Variants in PLXDC2 observed in about 807,000 individuals in gnomAD.
PLXDC2 encodes plexin domain-containing protein 2.
Under a neutral mutation model 68.9 loss-of-function variants are expected in PLXDC2, and 40 were observed. The observed-to-expected ratio is 0.58, with a 90% confidence interval of 0.45 to 0.76. The LOEUF (loss-of-function observed/expected upper bound fraction) is 0.76, where lower values mean the gene tolerates loss of function less well. PLXDC2 is among the 30% of genes least tolerant of loss of function. The probability of loss-of-function intolerance (pLI) is 0.00; values close to 1 mark genes in which losing one functional copy is unlikely to be tolerated. For synonymous variants in PLXDC2, 243 were observed against 234.2 expected (o/e 1.04, Z -0.34); for missense variants, 644 against 661.9 (o/e 0.97, Z 0.30).
intron 9 of PLXDC2, among the ~76,000 whole-genome samples, chr10:20,204,105 T>C (rs1834958628): frequency 6.6e-6 from 1 of 152,112 alleles, no homozygotes; most frequent in African/African-American, 2.4e-5. Flanking sequence ...CTCAAGATTG[T>C]TGATTTTAGG....
intron 4 of PLXDC2, 80 bp from the exon 5 acceptor site, chr10:20,143,215 T>G (rs1353562580): frequency 1.4e-6 from 2 of 1,403,558 alleles, no homozygotes; most frequent in Admixed American, 4.2e-5. Context: ...AATATGACTG[T>G]AATTGAGTTG....
At chr10:20,085,453 G>A (rs1047167823) in intron 4 of PLXDC2, among the ~76,000 whole-genome samples, 3 of 152,078 alleles carry the variant, frequency 2.0e-5, no homozygotes, top group African/African-American at 7.2e-5. Context: ...TGAGGGAAGG[G>A]GAAGGATGAT....
At chr10:19,837,434 GTGTGTGTGTGTA>G (rs1564604678) in intron 1 of PLXDC2, among the ~76,000 whole-genome samples, 17 of 151,656 alleles carry the variant, frequency 1.1e-4, no homozygotes, top group African/African-American at 4.1e-4. Context: ...GTGTGTGTGT[GTGTGTGTGTGTA>G]TGTGTGTGTT....
intron 1 of PLXDC2, among the ~76,000 whole-genome samples, chr10:19,822,947 G>A (rs1303821244): frequency 6.6e-5 from 10 of 151,190 alleles, no homozygotes; most frequent in Admixed American, 1.3e-4. Context: ...ACAGAGTCTC[G>A]CTGTTTCTCC....
chr10:19,981,398 T>A (rs770683406), intron 1 of PLXDC2, among the ~76,000 whole-genome samples: 6 of 152,172 alleles, frequency 3.9e-5, no homozygotes, highest in Non-Finnish European at 7.3e-5. Flanking sequence ...TCTTGATACA[T>A]GGGTTTGTTG....
chr10:19,949,011 T>A (rs1166617095), intron 1 of PLXDC2, among the ~76,000 whole-genome samples: 2 of 148,834 alleles, frequency 1.3e-5, no homozygotes, highest in African/African-American at 5.0e-5. Context: ...GCACCTGTTG[T>A]CCCAGCTACT....
intron 1 of PLXDC2, among the ~76,000 whole-genome samples, chr10:19,977,841 C>T (rs1018231868): frequency 3.3e-5 from 5 of 152,118 alleles, no homozygotes; most frequent in African/African-American, 7.2e-5. Context: ...GCCTAATCAC[C>T]TCCCAAAGGC....
intron 12 of PLXDC2, among the ~76,000 whole-genome samples, chr10:20,244,415 AG>A (rs1835561002): frequency 6.6e-6 from 1 of 152,210 alleles, no homozygotes; most frequent in African/African-American, 2.4e-5. Flanking sequence ...TCTCAGTAAA[AG>A]TTAGAGGAAA....
intron 13 of PLXDC2, among the ~76,000 whole-genome samples, chr10:20,263,405 C>T (rs1366095595): frequency 6.6e-6 from 1 of 152,070 alleles, no homozygotes; most frequent in African/African-American, 2.4e-5. Flanking sequence ...TATAAAAACA[C>T]CTGAAGACAA....
intron 5 of PLXDC2, among the ~76,000 whole-genome samples, chr10:20,143,737 A>G (rs968965305): frequency 2.0e-5 from 3 of 152,128 alleles, no homozygotes; most frequent in Admixed American, 6.5e-5. Flanking sequence ...AAAAATGGAA[A>G]TAAGAATAAT....
At chr10:19,855,933 C>T (rs1228182828) in intron 1 of PLXDC2, among the ~76,000 whole-genome samples, 1 of 151,882 alleles carries the variant, frequency 6.6e-6, no homozygotes, top group Non-Finnish European at 1.5e-5. Flanking sequence ...AAAAAATATA[C>T]ATATATAAAA....
chr10:20,216,503 C>G (rs1835139849), intron 10 of PLXDC2, among the ~76,000 whole-genome samples: 1 of 152,128 alleles, frequency 6.6e-6, no homozygotes, highest in South Asian at 2.1e-4. Flanking sequence ...AGGAGGCTGT[C>G]TCAGGAAGTC....
chr10:19,892,253 G>A (rs2131360740), intron 1 of PLXDC2, among the ~76,000 whole-genome samples: 1 of 152,154 alleles, frequency 6.6e-6, no homozygotes, highest in East Asian at 1.9e-4. Flanking sequence ...AAGGAGGTCT[G>A]TGCTATTATT....
chr10:19,901,794 T>C (rs1838164834), intron 1 of PLXDC2, among the ~76,000 whole-genome samples: 1 of 152,168 alleles, frequency 6.6e-6, no homozygotes, highest in South Asian at 2.1e-4. Flanking sequence ...CATCTAGAAT[T>C]TTTATAGTTT....
At chr10:19,925,761 C>T (rs1009603078) in intron 1 of PLXDC2, among the ~76,000 whole-genome samples, 2 of 152,142 alleles carry the variant, frequency 1.3e-5, no homozygotes, top group Non-Finnish European at 1.5e-5. Context: ...AGAATCTGCC[C>T]ATGCCAAGGC....
At chr10:20,101,991 G>A (rs1388798326) in intron 4 of PLXDC2, among the ~76,000 whole-genome samples, 2 of 151,726 alleles carry the variant, frequency 1.3e-5, no homozygotes, top group Non-Finnish European at 2.9e-5. Flanking sequence ...TAGTAGAGAT[G>A]GGGTTTCACC....
chr10:20,246,659 C>A (rs1247336373), intron 13 of PLXDC2, among the ~76,000 whole-genome samples: 3 of 152,070 alleles, frequency 2.0e-5, no homozygotes, highest in African/African-American at 4.8e-5. Flanking sequence ...CACATGTGCA[C>A]CTTTGACTCT....
intron 2 of PLXDC2, among the ~76,000 whole-genome samples, chr10:20,012,378 C>T (rs530157640): frequency 6.5e-4 from 81 of 124,928 alleles, no homozygotes; most frequent in African/African-American, 2.2e-3. Flanking sequence ...AGTGCAGTGG[C>T]GCGATCTCAG....
At chr10:19,841,572 GTCTA>G (rs1427744667) in intron 1 of PLXDC2, among the ~76,000 whole-genome samples, 4 of 131,032 alleles carry the variant, frequency 3.1e-5, no homozygotes, top group African/African-American at 9.0e-5. Flanking sequence ...TTGCCTATCT[GTCTA>G]TCTATCATCT....
Sources: allele counts gnomAD v4.1 joint callset (sites outside exome capture counted in the v4.1 genomes callset), GRCh38; gene constraint gnomAD v4.1.1; transcripts MANE v1.5; gene names NCBI Gene and HGNC (gene_info 2026-07-23, HGNC 2026-07-21).